Variants in ADTRP observed in about 807,000 individuals in gnomAD.
The protein encoded by ADTRP is androgen-dependent TFPI-regulating protein.
In ADTRP, 20 loss-of-function variants were observed where a neutral mutation model predicts 27.0. The ratio of observed to expected loss-of-function variants is 0.74; its 90% CI spans 0.52 to 1.08. The LOEUF (loss-of-function observed/expected upper bound fraction) is 1.08. Among genes scored for constraint, ADTRP ranks in the 50% least tolerant of loss-of-function variants. The pLI is 0.00. For missense variants in ADTRP, 251 were observed against 275.0 expected (o/e 0.91, Z 0.62); for synonymous variants, 101 against 105.2 (o/e 0.96, Z 0.25).
intron 1 of ADTRP, among the ~76,000 whole-genome samples, chr6:11,772,172 T>G (rs1222705552): frequency 1.3e-5 from 2 of 152,252 alleles, no homozygotes; most frequent in Non-Finnish European, 2.9e-5. Flanking sequence ...CTCCCTGATT[T>G]ATCCTTTCTC....
At chr6:11,731,396 C>T (rs1471490788) in intron 4 of ADTRP, among the ~76,000 whole-genome samples, 2 of 152,102 alleles carry the variant, frequency 1.3e-5, no homozygotes, top group Non-Finnish European at 2.9e-5. Flanking sequence ...TACTGCTCAC[C>T]CTTGCTTCCA....
intron 4 of ADTRP, among the ~76,000 whole-genome samples, chr6:11,729,901 A>G (rs946126678): frequency 3.9e-5 from 6 of 152,190 alleles, no homozygotes; most frequent in African/African-American, 1.4e-4. Flanking sequence ...AATTTTTAGA[A>G]TTATCCTAAT....
At chr6:11,741,466 A>G (rs1471175650) in intron 3 of ADTRP, among the ~76,000 whole-genome samples, 1 of 152,244 alleles carries the variant, frequency 6.6e-6, no homozygotes, top group Non-Finnish European at 1.5e-5. Context: ...CACTGGGCCA[A>G]GGAAGAAAAG....
chr6:11,777,322 C>A (rs1429167667), intron 1 of ADTRP, among the ~76,000 whole-genome samples: 1 of 151,570 alleles, frequency 6.6e-6, no homozygotes, highest in Non-Finnish European at 1.5e-5. Context: ...CTATTCTTAG[C>A]CACACATAGT....
chr6:11,754,510 C>T (rs752191902), intron 3 of ADTRP, among the ~76,000 whole-genome samples: 1 of 152,132 alleles, frequency 6.6e-6, no homozygotes, highest in Non-Finnish European at 1.5e-5. Context: ...ATCCACGTGA[C>T]GGACGTGTAA....
chr6:11,768,796 G>GA (rs1338335041), intron 1 of ADTRP, among the ~76,000 whole-genome samples: 1 of 152,086 alleles, frequency 6.6e-6, no homozygotes, highest in East Asian at 1.9e-4. Context: ...GGAAAATTAG[G>GA]AAAAATGCCT....
chr6:11,770,711 A>G (rs1473264111), intron 1 of ADTRP, among the ~76,000 whole-genome samples: 1 of 152,108 alleles, frequency 6.6e-6, no homozygotes, highest in African/African-American at 2.4e-5. Flanking sequence ...TTTGACATTC[A>G]CACCCTCAGG....
chr6:11,723,148 T>C (rs187220299), intron 5 of ADTRP, among the ~76,000 whole-genome samples: 2 of 152,166 alleles, frequency 1.3e-5, no homozygotes, highest in Admixed American at 1.3e-4. Context: ...TTTGATGGGG[T>C]CCTTTAAAAG....
intron 1 of ADTRP, among the ~76,000 whole-genome samples, chr6:11,773,375 A>G (rs1381930181): frequency 2.0e-5 from 3 of 152,224 alleles, no homozygotes; most frequent in Non-Finnish European, 4.4e-5. Flanking sequence ...TCAGACATCT[A>G]TGAGAGGCAA....
intron 3 of ADTRP, among the ~76,000 whole-genome samples, chr6:11,760,521 G>T (rs755257827): frequency 6.6e-6 from 1 of 152,096 alleles, no homozygotes; most frequent in Non-Finnish European, 1.5e-5. Flanking sequence ...AACACTGAAG[G>T]CTGGAGTATT....
rs530155459 is a variant in ADTRP at position 11,751,049 on chromosome 6, C to G, written c.390+15225G>C. Among the ~76,000 whole-genome samples the G allele has an allele frequency of 2.8e-4, 42 of 152,286 alleles. 1 individual carries two copies. Among genetic ancestry groups the G allele is most frequent in the African/African-American group, 1.0e-3 (42 of 41,554 alleles). ...GTATTTTTTGTAGAGATGGGCTTCG[C>G]CATGTTGCCCAGGCTGGTCTCGAAC... On this transcript the variant is annotated intron_variant, in intron 3 of 5. Transcript: ENST00000414691.
rs79275359 is a variant in ADTRP, at chr6:11,767,853, T to C, written c.288+396A>G. On this transcript the variant is annotated intron_variant, in intron 2 of 5. Transcript: ENST00000414691. Reference sequence around the variant, plus strand: ...TGGTTTTCCACTTGCAGAAGTAACATATACTTATCGTAGCAAGTGAAACAA... The same window carrying C: ...TGGTTTTCCACTTGCAGAAGTAACACATACTTATCGTAGCAAGTGAAACAA... 6.4e-4 allele frequency: 105 copies of C among 164,526 alleles called. No homozygotes were observed. The East Asian group carries it at 0.017, about 26-fold the overall frequency. The allele number at this position is 164,526 out of a possible 1,614,324, so 10.2% of individuals were successfully genotyped here.
At chr6:11,728,387 T>A (rs1376139585) in intron 4 of ADTRP, 1 of 152,526 alleles carries the variant, frequency 6.6e-6, no homozygotes, top group African/African-American at 2.4e-5. Flanking sequence ...TTGAACCCCT[T>A]TGTTTCTTGA....
chr6:11,754,862 T>C (rs889053376), intron 3 of ADTRP, among the ~76,000 whole-genome samples: 2 of 152,150 alleles, frequency 1.3e-5, no homozygotes, highest in African/African-American at 4.8e-5. Flanking sequence ...AAGAGGAGTG[T>C]CAGTACTAAC....
intron 1 of ADTRP, among the ~76,000 whole-genome samples, chr6:11,769,797 T>C (rs1763705214): frequency 6.6e-6 from 1 of 152,186 alleles, no homozygotes; most frequent in Non-Finnish European, 1.5e-5. Flanking sequence ...ATATAGATTT[T>C]AAATGTAGAA....
In ADTRP at chr6:11,736,875, G is replaced by A. The variant is rs557276896; in HGVS notation, c.391-1192C>T. On this transcript the variant is annotated intron_variant, in intron 3 of 5. Coordinates refer to ENST00000414691, the MANE Select transcript of ADTRP (RefSeq NM_032744.4). ...GTGTAACTGAGCTCAGTCCTGCTGA[G>A]GGTGGTAAGTGTGTGGGGTATGCGT... Among the ~76,000 whole-genome samples, 48 of 152,272 alleles carry A rather than the reference G, an allele frequency of 3.2e-4. No individual in the cohort carries two copies. In the East Asian group the frequency reaches 4.2e-3, roughly 13 times the overall value.
In ADTRP at chr6:11,740,755, G is replaced by A. The variant is rs554344640; in HGVS notation, c.391-5072C>T. 7.2e-5 allele frequency among the ~76,000 whole-genome samples: 11 copies of A among 152,272 alleles called. No individual in the cohort carries two copies. The East Asian group carries it at 1.9e-3, about 27-fold the overall frequency. Reference sequence around the variant, plus strand: ...CAGGTAGAGACAATGGTGATGGTCGGTGACATTTTTAGGAATATTTTGTAT... The same window carrying A: ...CAGGTAGAGACAATGGTGATGGTCGATGACATTTTTAGGAATATTTTGTAT... On this transcript the variant is annotated intron_variant, in intron 3 of 5. Transcript: ENST00000414691.
chr6:11,737,223 G>A (rs777708059), intron 3 of ADTRP, among the ~76,000 whole-genome samples: 4 of 152,114 alleles, frequency 2.6e-5, no homozygotes, highest in Non-Finnish European at 4.4e-5. Context: ...AGTATTTTGC[G>A]TTTTTTGTAG....
chr6:11,778,635 C>T lies in ADTRP; in HGVS notation c.125G>A (p.Arg42Lys). The change falls in exon 1 of 6, where the codon AGG (arginine) becomes AAG (lysine). Residue 42 changes from arginine to lysine, a missense_variant. Coordinates refer to ENST00000414691, the MANE Select transcript of ADTRP (RefSeq NM_032744.4). ...VKPKILANGA[R>K]WKYMTLLNLL... ...ATTAAGCAGCGTCATATATTTCCACCTTGCACCATTTGCCAAGATTTTGGG... is the reference window on the plus strand; with the variant it reads ...ATTAAGCAGCGTCATATATTTCCACTTTGCACCATTTGCCAAGATTTTGGG... The T allele has an allele frequency of 6.2e-7, 1 of 1,614,206 alleles. No individual in the cohort carries two copies. Among genetic ancestry groups the T allele is most frequent in the Non-Finnish European group, 8.5e-7 (1 of 1,180,032 alleles).
Sources: allele counts gnomAD v4.1 joint callset (sites outside exome capture counted in the v4.1 genomes callset), GRCh38; gene constraint gnomAD v4.1.1; transcripts MANE v1.5; gene names NCBI Gene and HGNC (gene_info 2026-07-23, HGNC 2026-07-21).